Variants in THSD7B observed in about 807,000 individuals in gnomAD.
The protein encoded by THSD7B is thrombospondin type 1 domain containing 7B, also known as thrombospondin type-1 domain-containing protein 7B.
In THSD7B, 138 loss-of-function variants were observed where a neutral mutation model predicts 213.6. The ratio of observed to expected loss-of-function variants is 0.65; its 90% CI spans 0.56 to 0.74. The LOEUF is 0.74. Among genes scored for constraint, THSD7B ranks in the 30% least tolerant of loss-of-function variants. THSD7B has a pLI of 0.00. For missense variants in THSD7B, 1,931 were observed against 1,991.5 expected (o/e 0.97, Z 0.58); for synonymous variants, 742 against 687.0 (o/e 1.08, Z -1.25).
chr2:137,303,938 C>T (rs1467892081), intron 12 of THSD7B, among the ~76,000 whole-genome samples: 2 of 151,392 alleles, frequency 1.3e-5, no homozygotes, highest in East Asian at 3.9e-4. Flanking sequence ...AGGTATTTCT[C>T]CTAATGCTAT....
At chr2:137,170,213 A>G (rs958906380) in intron 6 of THSD7B, among the ~76,000 whole-genome samples, 1 of 152,158 alleles carries the variant, frequency 6.6e-6, no homozygotes, top group African/African-American at 2.4e-5. Flanking sequence ...GTGGAAAGTG[A>G]ACTCCAAAGA....
intron 12 of THSD7B, among the ~76,000 whole-genome samples, chr2:137,304,104 GCT>G (rs1683681535): frequency 6.6e-6 from 1 of 151,890 alleles, no homozygotes; most frequent in Non-Finnish European, 1.5e-5. Context: ...ATGTTTTCCA[GCT>G]TGATTCATGT....
chr2:137,064,691 G>A (rs929181054), intron 3 of THSD7B, among the ~76,000 whole-genome samples: 3 of 151,916 alleles, frequency 2.0e-5, no homozygotes, highest in Non-Finnish European at 4.4e-5. Context: ...TGTATGGTGA[G>A]ACATAGGGGT....
chr2:137,046,863 G>A (rs1686980778), intron 2 of THSD7B, among the ~76,000 whole-genome samples: 1 of 152,104 alleles, frequency 6.6e-6, no homozygotes, highest in Non-Finnish European at 1.5e-5. Context: ...AGGTGGCTGG[G>A]CCAGGAAATC....
At chr2:136,842,032 A>T (rs1682928851) in intron 1 of THSD7B, among the ~76,000 whole-genome samples, 1 of 152,230 alleles carries the variant, frequency 6.6e-6, no homozygotes, top group African/African-American at 2.4e-5. Context: ...TGTCATACCT[A>T]CTATCATGAT....
chr2:137,515,385 A>G (rs907730269), intron 15 of THSD7B, among the ~76,000 whole-genome samples: 3 of 152,154 alleles, frequency 2.0e-5, no homozygotes, highest in Admixed American at 6.5e-5. Context: ...GGCAGTTGCC[A>G]GACAAAACAA....
chr2:137,407,963 T>G (rs74354335), intron 13 of THSD7B, among the ~76,000 whole-genome samples: 34,021 of 150,724 alleles, frequency 0.23, 3,988 homozygotes, highest in South Asian at 0.27. Context: ...TTATAATAAC[T>G]AGATAACTAC....
chr2:137,523,361 T>C (rs1206669470), intron 15 of THSD7B, among the ~76,000 whole-genome samples: 2 of 152,226 alleles, frequency 1.3e-5, no homozygotes, highest in African/African-American at 4.8e-5. Context: ...TCTGCAATCA[T>C]GCATTTGTTT....
At chr2:137,285,336 G>T (rs1315476364) in intron 12 of THSD7B, among the ~76,000 whole-genome samples, 2 of 152,026 alleles carry the variant, frequency 1.3e-5, no homozygotes, top group African/African-American at 2.4e-5. Flanking sequence ...CACACGGATG[G>T]GTCTTGACTC....
At chr2:137,110,927 T>C (rs1688336099) in intron 4 of THSD7B, among the ~76,000 whole-genome samples, 1 of 152,228 alleles carries the variant, frequency 6.6e-6, no homozygotes, top group African/African-American at 2.4e-5. Context: ...ATTGACATGC[T>C]GTACAGGTTT....
At chr2:137,099,135 GA>G (rs1688098138) in intron 4 of THSD7B, among the ~76,000 whole-genome samples, 1 of 152,120 alleles carries the variant, frequency 6.6e-6, no homozygotes, top group South Asian at 2.1e-4. Flanking sequence ...ACATGAGAGA[GA>G]GGATAAATTT....
At chr2:137,333,725 T>A (rs1684569398) in intron 12 of THSD7B, among the ~76,000 whole-genome samples, 1 of 152,224 alleles carries the variant, frequency 6.6e-6, no homozygotes, top group East Asian at 1.9e-4. Context: ...TTCTCTTCAC[T>A]CCCTGCCCTT....
At chr2:137,631,455 T>A (rs1019317549) in intron 20 of THSD7B, among the ~76,000 whole-genome samples, 9 of 152,232 alleles carry the variant, frequency 5.9e-5, no homozygotes, top group African/African-American at 2.2e-4. Flanking sequence ...ATAATATTTT[T>A]ATATCATATG....
At chr2:137,055,772 A>G (rs954144847) in intron 2 of THSD7B, among the ~76,000 whole-genome samples, 1 of 152,204 alleles carries the variant, frequency 6.6e-6, no homozygotes, top group African/African-American at 2.4e-5. Flanking sequence ...TGCTTCTCTT[A>G]TTACCTTACC....
At chr2:137,029,135 G>A (rs1686611880) in intron 2 of THSD7B, among the ~76,000 whole-genome samples, 1 of 130,524 alleles carries the variant, frequency 7.7e-6, no homozygotes, top group African/African-American at 2.9e-5. Context: ...CTAGAGTTTA[G>A]TGGCATGATC....
chr2:136,921,619 A>G (rs1197092971), intron 2 of THSD7B, among the ~76,000 whole-genome samples: 1 of 152,202 alleles, frequency 6.6e-6, no homozygotes, highest in Non-Finnish European at 1.5e-5. Context: ...ATGAATGGCA[A>G]TTTTAATTTT....
chr2:137,442,001 A>G (rs1374059219), intron 14 of THSD7B, among the ~76,000 whole-genome samples: 3 of 152,110 alleles, frequency 2.0e-5, no homozygotes, highest in Admixed American at 2.0e-4. Context: ...TATTTTCCAC[A>G]GAATTCTACT....
intron 15 of THSD7B, among the ~76,000 whole-genome samples, chr2:137,522,855 T>G (rs1023138986): frequency 1.3e-5 from 2 of 152,228 alleles, no homozygotes; most frequent in Non-Finnish European, 2.9e-5. Flanking sequence ...ACTCTGCCAG[T>G]TACCACCATT....
chr2:137,190,959 G>C (rs1680645448), intron 7 of THSD7B, among the ~76,000 whole-genome samples: 1 of 152,160 alleles, frequency 6.6e-6, no homozygotes, highest in Admixed American at 6.5e-5. Flanking sequence ...ACAGGTCTAA[G>C]CCAGGACTGA....
Sources: gnomAD v4.1 joint callset for allele counts (sites outside exome capture counted in the v4.1 genomes callset) on GRCh38, gnomAD v4.1.1 for gene constraint, MANE v1.5 for transcripts, NCBI Gene and HGNC (gene_info 2026-07-23, HGNC 2026-07-21) for gene names.